Variants in LANCL2 observed in about 807,000 individuals in gnomAD.
LANCL2 encodes the protein lanC-like protein 2.
Under a neutral mutation model 56.9 loss-of-function variants are expected in LANCL2, and 33 were observed. That is an observed-to-expected ratio of 0.58 (90% CI 0.44 to 0.78). The LOEUF is 0.78. LANCL2 is among the 30% of genes least tolerant of loss of function. The probability of loss-of-function intolerance (pLI) is 0.00; values close to 1 mark genes in which losing one functional copy is unlikely to be tolerated. For missense variants in LANCL2, 562 were observed against 580.2 expected, an observed-to-expected ratio of 0.97 and a Z score of 0.32; for synonymous variants, 233 against 228.2, an observed-to-expected ratio of 1.02 and a Z score of -0.19.
chr7:55,391,898 A>T lies in LANCL2; in HGVS notation c.310A>T (p.Thr104Ser). The T allele has an allele frequency of 6.3e-7, 1 of 1,578,906 alleles. No individual in the cohort carries two copies. The highest frequency in any genetic ancestry group is 1.1e-5 in the South Asian group (1 of 90,366). The change falls in exon 2 of 9, where the codon ACT (threonine) becomes TCT (serine). Residue 104 changes from threonine (T) to serine (S), a missense_variant. Physicochemically the swap from Thr to Ser is moderately conservative, Grantham distance 58 (BLOSUM62 1). Around this residue, in one of 2 missense-constraint regions of LANCL2, gnomAD observed 378 missense variants for 468.4 expected, o/e 0.81. Transcript: ENST00000254770. Reference protein sequence around the residue: ...TADPHDCSAYTGWTGIALLYL... With the variant: ...TADPHDCSAYSGWTGIALLYL... ...TGATCCCCATGACTGCTCTGCTTAT[A>T]CTGGCTGGACAGGTGAGGCTGTGGG... is the stretch of plus-strand genomic sequence containing the variant.
At position 55,366,020 on chromosome 7, in the gene LANCL2, G is replaced by A. The variant is rs752261429; in HGVS notation, c.-6G>A. 2.3e-5 allele frequency: 33 copies of A among 1,439,132 alleles called. No homozygotes were observed. In the Admixed American group the frequency reaches 9.0e-4, roughly 39 times the overall value. The allele number at this position is 1,439,132 out of a possible 1,614,324, so 89.1% of individuals were successfully genotyped here. A position where few individuals can be genotyped will look rare whatever the true frequency, so the allele number is the denominator to read the frequency against. On this transcript the variant is annotated 5_prime_UTR_variant, in exon 1 of 9. Coordinates refer to ENST00000254770, the MANE Select transcript of LANCL2 (RefSeq NM_018697.4). ...GTCCCCGCCCGCGCGCCGTACCGCG[G>A]CGGAGATGGGCGAGACCATGTCAAA...
intron 7 of LANCL2, 60 bp from the exon 8 acceptor site, chr7:55,428,315 T>C (rs1562871563): frequency 6.9e-7 from 1 of 1,442,620 alleles, no homozygotes; most frequent in Non-Finnish European, 9.8e-7. Context: ...TGCATTCTCA[T>C]TTATTGCCTT....
At chr7:55,418,308 A>T (rs1790568425) in intron 6 of LANCL2, among the ~76,000 whole-genome samples, 2 of 151,878 alleles carry the variant, frequency 1.3e-5, no homozygotes, top group Admixed American at 1.3e-4. Context: ...TTAGCTGAGT[A>T]GCTGGGATTA....
At chr7:55,395,250 A>G (rs1212815509) in intron 2 of LANCL2, among the ~76,000 whole-genome samples, 1 of 152,192 alleles carries the variant, frequency 6.6e-6, no homozygotes, top group Non-Finnish European at 1.5e-5. Flanking sequence ...AAAAATAAAA[A>G]TTTCTCAGTG....
At chr7:55,378,473 A>G (rs1333615502) in intron 1 of LANCL2, among the ~76,000 whole-genome samples, 1 of 152,082 alleles carries the variant, frequency 6.6e-6, no homozygotes, top group Non-Finnish European at 1.5e-5. Context: ...AAAAAAGGAA[A>G]AAGTGTGTGT....
At chr7:55,400,626 C>A (rs1790310755) in intron 4 of LANCL2, among the ~76,000 whole-genome samples, 1 of 152,224 alleles carries the variant, frequency 6.6e-6, no homozygotes, top group South Asian at 2.1e-4. Context: ...TCAGCTGTCT[C>A]TAACTAGGGA....
At chr7:55,425,117 G>T (rs1583767261) in intron 6 of LANCL2, 137 bp from the exon 7 acceptor site, 32 of 767,852 alleles carry the variant, frequency 4.2e-5, no homozygotes, top group African/African-American at 1.4e-4. Flanking sequence ...TTTTTTGTTT[G>T]TTTGTCTGTT....
Position 55,400,042 on chromosome 7 carries a change from G to T in LANCL2, c.616G>T (p.Ala206Ser), listed in dbSNP as rs777607981. ...LLYGRAGYLY[A>S]LLYLNTEIGP... ...TTATGGACGGGCAGGTTATCTGTAT[G>T]CCTTACTGTACCTGAACACAGAGAT... Residue 206 changes from alanine (A) to serine (S), a missense_variant, in exon 4 of 9, where the codon GCC (alanine) becomes TCC (serine). By Grantham distance (99) the Ala-to-Ser change is moderately conservative (BLOSUM62 1). This residue lies in a region of LANCL2 where 378 missense variants were observed against 468.4 expected (regional missense o/e 0.81). Coordinates refer to ENST00000254770, the MANE Select transcript of LANCL2 (RefSeq NM_018697.4). The T allele has an allele frequency of 2.2e-5, 36 of 1,613,684 alleles. No individual in the cohort carries two copies. Among genetic ancestry groups the T allele is most frequent in the Non-Finnish European group, 3.0e-5 (35 of 1,179,788 alleles).
intron 6 of LANCL2, among the ~76,000 whole-genome samples, chr7:55,420,307 C>T (rs1275897530): frequency 6.6e-6 from 1 of 152,030 alleles, no homozygotes; most frequent in Non-Finnish European, 1.5e-5. Flanking sequence ...TATGATTTCT[C>T]TTTTGATTCA....
chr7:55,405,966 A>G lies in LANCL2; in HGVS notation c.825+4646A>G, dbSNP rs575592174. ...GGTTCGTGGCTGTTGTCAGTGCAGA[A>G]CTACGATTCAGAAATGTGGAAAGGA... On this transcript the variant is annotated intron_variant, in intron 5 of 8. Coordinates refer to ENST00000254770, the MANE Select transcript of LANCL2 (RefSeq NM_018697.4). Among the ~76,000 whole-genome samples, 8 of 152,320 alleles carry G rather than the reference A, an allele frequency of 5.3e-5. No individual in the cohort carries two copies. The South Asian group carries it at 1.5e-3, about 28-fold the overall frequency.
chr7:55,399,961 T>C lies in LANCL2; in HGVS notation c.535T>C (p.Leu179=). The stretch of plus-strand genomic sequence containing the variant: ...TTAATTTTTCTTATTGGTTAGACTT[T>C]TGCAGCTCCAGAGATCGGTTGTCTG... ...CESQECVTKL[L]QLQRSVVCQE... The change falls in exon 4 of 9, where the codon TTG becomes CTG. Residue 179 remains leucine (L), a synonymous_variant. Coordinates refer to ENST00000254770, the MANE Select transcript of LANCL2 (RefSeq NM_018697.4). 2 of 1,610,504 alleles carry C rather than the reference T, an allele frequency of 1.2e-6. No homozygotes were observed. The highest frequency in any genetic ancestry group is 1.7e-6 in the Non-Finnish European group (2 of 1,177,582).
At chr7:55,408,984 A>G (rs945217262) in intron 5 of LANCL2, among the ~76,000 whole-genome samples, 8 of 151,750 alleles carry the variant, frequency 5.3e-5, no homozygotes, top group Admixed American at 1.3e-4. Flanking sequence ...TGTCTCAAAA[A>G]AAAAAAAAAA....
At chr7:55,374,915 G>C (rs943935877) in intron 1 of LANCL2, among the ~76,000 whole-genome samples, 3 of 152,278 alleles carry the variant, frequency 2.0e-5, no homozygotes, top group South Asian at 4.1e-4. Flanking sequence ...CTTAGCTTCA[G>C]TTTCTGCATG....
At chr7:55,428,701 T>C (rs1790695489) in intron 8 of LANCL2, among the ~76,000 whole-genome samples, 2 of 152,232 alleles carry the variant, frequency 1.3e-5, no homozygotes, top group Non-Finnish European at 2.9e-5. Flanking sequence ...CGTAGAAGGC[T>C]TGCTGTTAGC....
intron 6 of LANCL2, among the ~76,000 whole-genome samples, chr7:55,416,984 T>TG: frequency 7.7e-6 from 1 of 130,334 alleles, no homozygotes. Flanking sequence ...TTTTTTTTTT[T>TG]TTTTTTTTTT....
chr7:55,428,303 A>C, intron 7 of LANCL2, 72 bp from the exon 8 acceptor site: 1 of 1,341,940 alleles, frequency 7.5e-7, no homozygotes, highest in South Asian at 1.2e-5. Context: ...CTGTGAAGAC[A>C]TTGCATTCTC....
At position 55,409,930 on chromosome 7, in the gene LANCL2, A is replaced by G. The variant is rs28669812; in HGVS notation, c.826-1977A>G. On this transcript the variant is annotated intron_variant, in intron 5 of 8. Coordinates refer to ENST00000254770, the MANE Select transcript of LANCL2 (RefSeq NM_018697.4). ...CAGGAGCAAACAATATTTGCATAGT[A>G]TAGTCTGTAAAGAACACAGGATTAT... 8.7e-3 allele frequency among the ~76,000 whole-genome samples: 1,322 copies of G among 152,336 alleles called. 20 individuals are homozygous for G. Among genetic ancestry groups the G allele is most frequent in the African/African-American group, 0.03 (1,267 of 41,576 alleles).
intron 1 of LANCL2, among the ~76,000 whole-genome samples, chr7:55,368,739 A>G (rs908613637): frequency 1.3e-5 from 2 of 152,146 alleles, no homozygotes; most frequent in Non-Finnish European, 2.9e-5. Context: ...GTCCTAACCC[A>G]TTGGAACCTC....
chr7:55,367,356 A>T (rs533055841), intron 1 of LANCL2, among the ~76,000 whole-genome samples: 12 of 152,332 alleles, frequency 7.9e-5, no homozygotes, highest in African/African-American at 2.9e-4. Context: ...GGTAATTTTG[A>T]AAGAGCCATT....
Sources: allele counts gnomAD v4.1 joint callset (sites outside exome capture counted in the v4.1 genomes callset), GRCh38; gene constraint gnomAD v4.1.1; regional missense constraint gnomAD v4.1.1; transcripts MANE v1.5; gene names NCBI Gene and HGNC (gene_info 2026-07-23, HGNC 2026-07-21).